PDGFC: variants seen among roughly 807,000 people sequenced by gnomAD.
The protein encoded by PDGFC is platelet derived growth factor C.
In PDGFC, 12 loss-of-function variants were observed where a neutral mutation model predicts 35.5. The observed-to-expected ratio is 0.34, with a 90% CI of 0.22 to 0.55. PDGFC has a LOEUF of 0.55. Ranked by LOEUF, PDGFC falls within the 20% of genes least tolerant of loss-of-function variation. PDGFC has a pLI of 0.91. For missense variants in PDGFC, 322 were observed against 412.4 expected (o/e 0.78, Z 1.90); for synonymous variants, 159 against 148.8 (o/e 1.07, Z -0.50).
chr4:156,807,963 G>T (rs758075788), intron 3 of PDGFC, among the ~76,000 whole-genome samples: 2 of 152,088 alleles, frequency 1.3e-5, no homozygotes, highest in Non-Finnish European at 2.9e-5. Context: ...TTCAGTGGAT[G>T]TCCCACTAAT....
intron 1 of PDGFC, among the ~76,000 whole-genome samples, chr4:156,863,677 C>T (rs766453857): frequency 2.6e-5 from 4 of 152,044 alleles, no homozygotes; most frequent in Non-Finnish European, 5.9e-5. Flanking sequence ...GGCTTCACTC[C>T]ACTGCTTGAA....
At chr4:156,772,129 T>C (rs1024592892) in intron 4 of PDGFC, among the ~76,000 whole-genome samples, 1 of 137,396 alleles carries the variant, frequency 7.3e-6, no homozygotes, top group East Asian at 1.9e-4. Context: ...TTTTAGGTTC[T>C]TGTTTTCTTG....
chr4:156,819,783 A>G (rs1166415981), intron 2 of PDGFC, among the ~76,000 whole-genome samples: 1 of 152,196 alleles, frequency 6.6e-6, no homozygotes, highest in African/African-American at 2.4e-5. Context: ...TTCACAAGGT[A>G]ATAGCTGCCA....
chr4:156,921,798 G>A (rs977699468), intron 1 of PDGFC, among the ~76,000 whole-genome samples: 7 of 152,058 alleles, frequency 4.6e-5, no homozygotes, highest in African/African-American at 1.7e-4. Context: ...CTACTGATGT[G>A]CATTTCCTTG....
intron 3 of PDGFC, among the ~76,000 whole-genome samples, chr4:156,802,297 A>G (rs1208665116): frequency 6.6e-6 from 1 of 152,164 alleles, no homozygotes; most frequent in Non-Finnish European, 1.5e-5. Context: ...AACAGCAATA[A>G]AATTCTGAAA....
intron 1 of PDGFC, among the ~76,000 whole-genome samples, chr4:156,970,564 G>T (rs1732567200): frequency 6.6e-6 from 1 of 152,336 alleles, no homozygotes; most frequent in Non-Finnish European, 1.5e-5. Context: ...TCACTCAGCA[G>T]TGGCACTCAC....
At chr4:156,773,020 T>C (rs1233731996) in intron 3 of PDGFC, 127 bp from the exon 4 acceptor site, 7 of 640,172 alleles carry the variant, frequency 1.1e-5, no homozygotes, top group South Asian at 1.9e-5. Flanking sequence ...TTGAATCCAA[T>C]TAGAAATAAC....
chr4:156,859,833 C>G (rs975376952), intron 1 of PDGFC, among the ~76,000 whole-genome samples: 3 of 152,070 alleles, frequency 2.0e-5, no homozygotes, highest in Non-Finnish European at 4.4e-5. Flanking sequence ...AATGAGAATA[C>G]CCAATTGTGC....
intron 2 of PDGFC, among the ~76,000 whole-genome samples, chr4:156,817,465 G>A (rs963191857): frequency 1.3e-5 from 2 of 152,004 alleles, no homozygotes; most frequent in South Asian, 2.1e-4. Context: ...TAGATAAAAT[G>A]GATGACTAAG....
intron 1 of PDGFC, among the ~76,000 whole-genome samples, chr4:156,864,704 A>G (rs1399373922): frequency 1.3e-5 from 2 of 152,174 alleles, no homozygotes; most frequent in African/African-American, 2.4e-5. Flanking sequence ...GATAAAGAGC[A>G]TGCCAGTAAG....
rs184719109 is a variant in PDGFC at position 156,904,861 on chromosome 4, C to A, written c.119-54445G>T. Among the ~76,000 whole-genome samples, 374 of 152,264 alleles carry A rather than the reference C, an allele frequency of 2.5e-3. 4 individuals are homozygous for A. The highest frequency in any genetic ancestry group is 8.6e-3 in the African/African-American group (359 of 41,576). ...TGCCTATCCCCACTGCAAAGTAAGGCTCAGTGACAGCAGAGAATTGATATG... is the reference window on the plus strand; with the variant it reads ...TGCCTATCCCCACTGCAAAGTAAGGATCAGTGACAGCAGAGAATTGATATG... On this transcript the variant is annotated intron_variant, in intron 1 of 5. Transcript: ENST00000502773.
chr4:156,781,638 C>T (rs1460851748), intron 3 of PDGFC, among the ~76,000 whole-genome samples: 3 of 152,044 alleles, frequency 2.0e-5, no homozygotes, highest in Admixed American at 1.3e-4. Flanking sequence ...CACTAACTCT[C>T]CTACTGCTGA....
At chr4:156,954,725 A>C (rs1268399914) in intron 1 of PDGFC, among the ~76,000 whole-genome samples, 3 of 151,994 alleles carry the variant, frequency 2.0e-5, no homozygotes, top group Non-Finnish European at 2.9e-5. Flanking sequence ...AGTCTAAGCA[A>C]AAAGATTGAG....
intron 2 of PDGFC, among the ~76,000 whole-genome samples, chr4:156,822,945 G>C (rs1382264649): frequency 6.6e-6 from 1 of 151,894 alleles, no homozygotes; most frequent in Non-Finnish European, 1.5e-5. Flanking sequence ...TGTTGGTCAG[G>C]CTGGTCTCAA....
chr4:156,897,079 A>G (rs1032434515), intron 1 of PDGFC, among the ~76,000 whole-genome samples: 1 of 152,186 alleles, frequency 6.6e-6, no homozygotes, highest in Non-Finnish European at 1.5e-5. Flanking sequence ...AAATCTTAAA[A>G]TGTACATACT....
chr4:156,915,127 G>A (rs1211458823), intron 1 of PDGFC, among the ~76,000 whole-genome samples: 1 of 152,112 alleles, frequency 6.6e-6, no homozygotes, highest in African/African-American at 2.4e-5. Flanking sequence ...AACTGCAAAA[G>A]TTATCAACTA....
chr4:156,853,924 C>T (rs906168206), intron 1 of PDGFC, among the ~76,000 whole-genome samples: 7 of 152,172 alleles, frequency 4.6e-5, no homozygotes, highest in African/African-American at 1.7e-4. Flanking sequence ...GATGGCACCA[C>T]TGCACTCCAG....
At chr4:156,795,132 T>C (rs2110894277) in intron 3 of PDGFC, among the ~76,000 whole-genome samples, 1 of 152,358 alleles carries the variant, frequency 6.6e-6, no homozygotes, top group Middle Eastern at 3.4e-3. Context: ...AAAGTATTTA[T>C]ATCACTAGCA....
At position 156,924,695 on chromosome 4, in the gene PDGFC, T is replaced by C. The variant is rs1048046591; in HGVS notation, c.118+46091A>G. On this transcript the variant is annotated intron_variant, in intron 1 of 5. Coordinates refer to ENST00000502773, the MANE Select transcript of PDGFC (RefSeq NM_016205.3). Reference sequence around the variant, plus strand: ...GGTCCCTTATCATGAACAACCACCATTGTGAGCAACTTCAGTAAATCCCAC... The same window carrying C: ...GGTCCCTTATCATGAACAACCACCACTGTGAGCAACTTCAGTAAATCCCAC... Among the ~76,000 whole-genome samples, 17 of 152,334 alleles carry C rather than the reference T, an allele frequency of 1.1e-4. No homozygotes were observed. The South Asian group carries it at 2.1e-3, about 19-fold the overall frequency.
Sources: allele counts gnomAD v4.1 joint callset (sites outside exome capture counted in the v4.1 genomes callset), GRCh38; gene constraint gnomAD v4.1.1; transcripts MANE v1.5; gene names NCBI Gene and HGNC (gene_info 2026-07-23, HGNC 2026-07-21).